Variants in DCC observed in about 807,000 individuals in gnomAD.
DCC encodes netrin receptor DCC.
DCC carries 58 observed loss-of-function variants against 172.5 expected under a neutral mutation model. The ratio of observed to expected loss-of-function variants is 0.34; its 90% CI spans 0.27 to 0.42. The LOEUF (loss-of-function observed/expected upper bound fraction) is 0.42. DCC is among the 10% of genes least tolerant of loss of function. The pLI is 1.00. For synonymous variants in DCC, 709 were observed against 644.5 expected (o/e 1.10, Z -1.52); for missense variants, 1,740 against 1,791.0 (o/e 0.97, Z 0.51).
intron 1 of DCC, among the ~76,000 whole-genome samples, chr18:52,571,456 C>A (rs2033290687): frequency 6.6e-6 from 1 of 151,948 alleles, no homozygotes; most frequent in South Asian, 2.1e-4. Flanking sequence ...TATTCTTGCC[C>A]AGACCAGCTT....
At chr18:52,884,354 TA>T (rs776146040) in intron 2 of DCC, among the ~76,000 whole-genome samples, 4 of 152,230 alleles carry the variant, frequency 2.6e-5, no homozygotes, top group Admixed American at 6.5e-5. Context: ...GTCTATTTTC[TA>T]GATCTTGTAA....
chr18:52,684,383 CT>C, intron 1 of DCC, among the ~76,000 whole-genome samples: 1 of 17,912 alleles, frequency 5.6e-5, no homozygotes. Context: ...TAATTTCTTT[CT>C]TGTTTTTTTT....
chr18:52,927,079 G>GTATACA (rs1183273049), intron 5 of DCC, among the ~76,000 whole-genome samples: 1 of 108,166 alleles, frequency 9.2e-6, no homozygotes, highest in African/African-American at 3.6e-5. Context: ...ACATATATGT[G>GTATACA]TATATACACG....
chr18:53,070,834 T>G (rs1390362919), intron 7 of DCC, among the ~76,000 whole-genome samples: 2 of 152,344 alleles, frequency 1.3e-5, no homozygotes, highest in East Asian at 3.9e-4. Flanking sequence ...GATTGCTTTT[T>G]CCTGGCTATT....
intron 1 of DCC, among the ~76,000 whole-genome samples, chr18:52,509,222 T>A (rs1166980625): frequency 6.6e-6 from 1 of 152,248 alleles, no homozygotes; most frequent in African/African-American, 2.4e-5. Flanking sequence ...TTATTTGTAA[T>A]GTGGTATTAC....
At chr18:52,556,825 C>T (rs1145283) in intron 1 of DCC, among the ~76,000 whole-genome samples, 36,413 of 151,976 alleles carry the variant, frequency 0.24, 4,493 homozygotes, top group African/African-American at 0.29. Flanking sequence ...TCCCTCTGAT[C>T]AGCCATCAGA....
intron 23 of DCC, among the ~76,000 whole-genome samples, chr18:53,452,469 T>G (rs992827326): frequency 3.9e-5 from 6 of 152,176 alleles, no homozygotes; most frequent in African/African-American, 1.4e-4. Context: ...ATTTTGTTTC[T>G]CCACAGAGAG....
At chr18:52,690,992 T>C (rs1004850210) in intron 1 of DCC, among the ~76,000 whole-genome samples, 2 of 152,104 alleles carry the variant, frequency 1.3e-5, no homozygotes, top group African/African-American at 4.8e-5. Flanking sequence ...CTCCAGGGAA[T>C]AGTCATATTA....
At chr18:53,365,167 C>A (rs552032237) in intron 15 of DCC, among the ~76,000 whole-genome samples, 1 of 150,326 alleles carries the variant, frequency 6.7e-6, no homozygotes, top group African/African-American at 2.5e-5. Context: ...TGAGTGAGAA[C>A]GTGAGATGTT....
chr18:53,457,980 T>C (rs1314206856), intron 23 of DCC, among the ~76,000 whole-genome samples: 1 of 152,190 alleles, frequency 6.6e-6, no homozygotes, highest in Non-Finnish European at 1.5e-5. Flanking sequence ...CAAAGCTACT[T>C]ATTCATCATC....
intron 13 of DCC, among the ~76,000 whole-genome samples, chr18:53,314,403 A>T (rs2057320316): frequency 6.6e-6 from 1 of 152,248 alleles, no homozygotes; most frequent in Non-Finnish European, 1.5e-5. Flanking sequence ...TTTTTATCCC[A>T]CTAGGATAAA....
chr18:52,922,964 C>G (rs1036325333), intron 3 of DCC, among the ~76,000 whole-genome samples: 4 of 152,126 alleles, frequency 2.6e-5, no homozygotes, highest in Admixed American at 6.6e-5. Flanking sequence ...CGCATAAAGA[C>G]TGTTTCAGTT....
At chr18:53,250,437 C>A (rs898639024) in intron 12 of DCC, among the ~76,000 whole-genome samples, 3 of 151,978 alleles carry the variant, frequency 2.0e-5, no homozygotes, top group African/African-American at 7.2e-5. Flanking sequence ...AGTGACTTGG[C>A]AATCAGCTGT....
At chr18:52,614,202 T>A (rs1296714881) in intron 1 of DCC, among the ~76,000 whole-genome samples, 1 of 152,144 alleles carries the variant, frequency 6.6e-6, no homozygotes, top group Non-Finnish European at 1.5e-5. Flanking sequence ...ATGTTAAAAA[T>A]AAAATGGTGA....
At chr18:52,998,066 C>T (rs573528830) in intron 5 of DCC, among the ~76,000 whole-genome samples, 63 of 151,922 alleles carry the variant, frequency 4.1e-4, no homozygotes, top group Middle Eastern at 6.8e-3. Context: ...ATGCAGTAGC[C>T]GTTATCTGCA....
intron 1 of DCC, among the ~76,000 whole-genome samples, chr18:52,503,206 A>G (rs990418636): frequency 5.9e-5 from 9 of 152,148 alleles, no homozygotes; most frequent in Non-Finnish European, 8.8e-5. Context: ...CAATGAGGAG[A>G]AAAAGAGAAT....
chr18:53,174,756 A>G (rs2055064701), intron 8 of DCC, among the ~76,000 whole-genome samples: 1 of 147,708 alleles, frequency 6.8e-6, no homozygotes. Context: ...TACAAGGAGG[A>G]ACTAGTACCA....
intron 3 of DCC, among the ~76,000 whole-genome samples, chr18:52,916,964 ATAT>A (rs2040050386): frequency 1.3e-5 from 2 of 151,996 alleles, no homozygotes; most frequent in African/African-American, 4.8e-5. Flanking sequence ...TTTTTTAAAA[ATAT>A]TATTTTTGAT....
intron 15 of DCC, among the ~76,000 whole-genome samples, chr18:53,382,534 T>C (rs1384459663): frequency 6.6e-6 from 1 of 152,102 alleles, no homozygotes; most frequent in East Asian, 1.9e-4. Flanking sequence ...GACCTCTAAA[T>C]GTATAGCATT....
Sources: allele counts gnomAD v4.1 joint callset (sites outside exome capture counted in the v4.1 genomes callset), GRCh38; gene constraint gnomAD v4.1.1; transcripts MANE v1.5; gene names NCBI Gene and HGNC (gene_info 2026-07-23, HGNC 2026-07-21).